Variants in ATRX observed in about 807,000 individuals in gnomAD.
The protein encoded by ATRX is chromatin remodeler ATRX.
ATRX carries 12 observed loss-of-function variants against 172.6 expected under a neutral mutation model. The ratio of observed to expected loss-of-function variants is 0.07; its 90% CI spans 0.04 to 0.11. The LOEUF is 0.11. Among genes scored for constraint, ATRX ranks in the 10% least tolerant of loss-of-function variants. The pLI is 1.00. For synonymous variants in ATRX, 674 were observed against 594.7 expected (o/e 1.13, Z -1.94); for missense variants, 1,368 against 1,767.4 (o/e 0.77, Z 4.05).
chrX:77,558,744 A>G lies in ATRX; in HGVS notation c.6429T>C (p.Tyr2143=), dbSNP rs782038683. The change falls in exon 29 of 35, where the codon TAT becomes TAC. Residue 2143 remains tyrosine (Y), a synonymous_variant. Transcript: ENST00000373344. ...IIFDASWNPS[Y]DIQSIFRVYR... ...AAACTCTGAATATACTCTGGATGTC[A>G]TAAGATGGATTCCAAGAAGCGTCGA... is the stretch of plus-strand genomic sequence containing the variant. 2.5e-6 allele frequency: 3 copies of G among 1,204,128 alleles called. No homozygotes were observed. The highest frequency in any genetic ancestry group is 1.8e-5 in the South Asian group (1 of 56,810).
intron 10 of ATRX, among the ~76,000 whole-genome samples, chrX:77,666,265 T>C (rs1219028287): frequency 8.9e-6 from 1 of 111,994 alleles, no homozygotes; most frequent in Non-Finnish European, 1.9e-5. Context: ...AAAGTGAAGA[T>C]TAGATCACAC....
At position 77,667,295 on chromosome X, in the gene ATRX, A is replaced by ATGTGTGTG. The variant is rs782297684; in HGVS notation, c.3810-2525_3810-2518dup. ...ATAATGAATTTTGGGACGAATAAAT[A>ATGTGTGTG]TGTGTGTGTGTGTGTGTGTGTGTGT... On this transcript the variant is annotated intron_variant, in intron 10 of 34. Transcript: ENST00000373344. Among the ~76,000 whole-genome samples the ATGTGTGTG allele has an allele frequency of 7.3e-3, 654 of 89,047 alleles. 7 individuals are homozygous for ATGTGTGTG. Among genetic ancestry groups the ATGTGTGTG allele is most frequent in the South Asian group, 0.022 (36 of 1,605 alleles). The allele number at this position is 89,047 out of a possible 115,157, so 77.3% of individuals were successfully genotyped here. A position where few individuals can be genotyped will look rare whatever the true frequency, so the allele number is the denominator to read the frequency against.
At chrX:77,514,980 C>T (rs781852742) in intron 34 of ATRX, among the ~76,000 whole-genome samples, 12 of 112,077 alleles carry the variant, frequency 1.1e-4, no homozygotes, top group Non-Finnish European at 2.3e-4. Flanking sequence ...AAAGAAAACA[C>T]ACACGTGGCC....
At chrX:77,515,829 A>C (rs1178388787) in intron 34 of ATRX, among the ~76,000 whole-genome samples, 2 of 112,289 alleles carry the variant, frequency 1.8e-5, no homozygotes, top group Non-Finnish European at 1.9e-5. Context: ...CCCAGATCTC[A>C]GCACACATTT....
intron 1 of ATRX, among the ~76,000 whole-genome samples, chrX:77,718,706 G>A (rs922898110): frequency 9.0e-6 from 1 of 111,029 alleles, no homozygotes; most frequent in African/African-American, 3.3e-5. Flanking sequence ...TATAATAGAT[G>A]TATCTGTAAT....
intron 1 of ATRX, among the ~76,000 whole-genome samples, chrX:77,723,757 T>C (rs2073892298): frequency 9.0e-6 from 1 of 111,613 alleles, no homozygotes; most frequent in South Asian, 3.8e-4. Flanking sequence ...AATAATGTCA[T>C]ACTATATCTT....
intron 22 of ATRX, among the ~76,000 whole-genome samples, chrX:77,611,110 A>C (rs1275820728): frequency 3.6e-5 from 4 of 110,922 alleles, no homozygotes; most frequent in Non-Finnish European, 5.7e-5. Context: ...AGTTTATAAG[A>C]TTATAGGTAG....
chrX:77,697,784 A>C, intron 3 of ATRX, 149 bp from the exon 4 acceptor site: 3 of 448,202 alleles, frequency 6.7e-6, no homozygotes, highest in Non-Finnish European at 1.1e-5. Flanking sequence ...AACTTCAAAA[A>C]CTAATTCTCT....
At chrX:77,645,222 T>C (rs1298233793) in intron 15 of ATRX, among the ~76,000 whole-genome samples, 2 of 111,846 alleles carry the variant, frequency 1.8e-5, no homozygotes, top group Non-Finnish European at 3.8e-5. Flanking sequence ...CATAGCTTAC[T>C]GTATCCTCGA....
intron 22 of ATRX, 81 bp from the exon 23 acceptor site, chrX:77,600,645 T>C (rs1289435123): frequency 6.6e-6 from 7 of 1,066,238 alleles, no homozygotes; most frequent in East Asian, 3.1e-5. Flanking sequence ...TAATCTTACT[T>C]GTGACATAAA....
chrX:77,741,939 A>T (rs377395465), intron 1 of ATRX, among the ~76,000 whole-genome samples: 3 of 111,969 alleles, frequency 2.7e-5, no homozygotes, highest in Non-Finnish European at 5.6e-5. Context: ...GTTAACGTTA[A>T]GATCTTTGAT....
chrX:77,537,715 C>T (rs1161143530), intron 30 of ATRX, among the ~76,000 whole-genome samples: 3 of 110,579 alleles, frequency 2.7e-5, no homozygotes, highest in African/African-American at 9.9e-5. Flanking sequence ...ACACCCTAAC[C>T]AAGTTTTTCT....
In ATRX at chrX:77,529,779, G is replaced by A. The variant is rs140189528; in HGVS notation, c.6700-6378C>T. Among the ~76,000 whole-genome samples the A allele has an allele frequency of 3.0e-3, 335 of 111,922 alleles. 2 individuals carry two copies. The highest frequency in any genetic ancestry group is 8.6e-3 in the South Asian group (23 of 2,678). The stretch of plus-strand genomic sequence containing the variant: ...CTGCAAAATAACCAGCTAGCATCAC[G>A]ATGATGCTAAAGCAGATTCATAAAG... On this transcript the variant is annotated intron_variant, in intron 30 of 34. Transcript: ENST00000373344.
At chrX:77,722,872 C>T (rs968200160) in intron 1 of ATRX, among the ~76,000 whole-genome samples, 1 of 111,886 alleles carries the variant, frequency 8.9e-6, no homozygotes, top group Non-Finnish European at 1.9e-5. Flanking sequence ...AATCATTCTA[C>T]TATAAAGACA....
At chrX:77,737,435 A>AGGGGGGGGG (rs1210379916) in intron 1 of ATRX, among the ~76,000 whole-genome samples, 1 of 39,173 alleles carries the variant, frequency 2.6e-5, no homozygotes, top group Non-Finnish European at 3.9e-5. Flanking sequence ...AAAAAAAAAA[A>AGGGGGGGGG]GGGGGGGGGG....
intron 22 of ATRX, among the ~76,000 whole-genome samples, chrX:77,607,512 A>G (rs1400872289): frequency 1.0e-4 from 11 of 110,483 alleles, no homozygotes; most frequent in Non-Finnish European, 2.1e-4. Flanking sequence ...CCAGGAATTC[A>G]AGAGCAGGCT....
intron 2 of ATRX, among the ~76,000 whole-genome samples, chrX:77,703,748 A>G (rs1365460986): frequency 1.8e-5 from 2 of 112,200 alleles, no homozygotes; most frequent in African/African-American, 6.5e-5. Context: ...TGAGGTGCAT[A>G]GAAAAGTGGA....
chrX:77,552,235 G>C (rs1306690541), intron 30 of ATRX, among the ~76,000 whole-genome samples: 1 of 110,305 alleles, frequency 9.1e-6, no homozygotes, highest in African/African-American at 3.3e-5. Context: ...ATGATAGACT[G>C]GATTAAGAAA....
At chrX:77,527,380 G>A (rs1366901485) in intron 30 of ATRX, among the ~76,000 whole-genome samples, 1 of 112,071 alleles carries the variant, frequency 8.9e-6, no homozygotes, top group Non-Finnish European at 1.9e-5. Flanking sequence ...CAGGAGCCAC[G>A]TGGAGCAAAA....
Sources: allele counts gnomAD v4.1 joint callset (sites outside exome capture counted in the v4.1 genomes callset), GRCh38; gene constraint gnomAD v4.1.1; transcripts MANE v1.5; gene names NCBI Gene and HGNC (gene_info 2026-07-23, HGNC 2026-07-21).